Variants in MEI4 observed in about 807,000 individuals in gnomAD.
MEI4 encodes the protein meiosis-specific protein MEI4.
A neutral mutation model predicts 31.4 loss-of-function variants in MEI4; 27 were observed. The ratio of observed to expected loss-of-function variants is 0.86; its 90% confidence interval spans 0.63 to 1.19. The LOEUF is 1.19. MEI4 is among the 50% of genes most tolerant of loss of function. The pLI is 0.00. For missense variants in MEI4, 329 were observed against 398.9 expected (o/e 0.82, Z 1.49); for synonymous variants, 122 against 145.4 (o/e 0.84, Z 1.16).
At chr6:77,869,904 C>T (rs1290992879) in intron 4 of MEI4, among the ~76,000 whole-genome samples, 2 of 152,086 alleles carry the variant, frequency 1.3e-5, no homozygotes, top group South Asian at 2.1e-4. Flanking sequence ...GTACTCAATA[C>T]TTACCTGTTT....
intron 4 of MEI4, among the ~76,000 whole-genome samples, chr6:77,907,895 G>A (rs1342769200): frequency 1.3e-5 from 2 of 151,962 alleles, no homozygotes; most frequent in African/African-American, 4.8e-5. Flanking sequence ...TTCTCTGATG[G>A]CCAGTGATGA....
At chr6:77,771,179 T>C (rs1306153060) in intron 3 of MEI4, among the ~76,000 whole-genome samples, 1 of 151,976 alleles carries the variant, frequency 6.6e-6, no homozygotes, top group Admixed American at 6.6e-5. Flanking sequence ...AACAAGCATA[T>C]GAAAAAAATG....
intron 1 of MEI4, among the ~76,000 whole-genome samples, chr6:77,657,470 T>C (rs1214674616): frequency 9.0e-6 from 1 of 110,802 alleles, no homozygotes; most frequent in Admixed American, 9.6e-5. Flanking sequence ...AAACATCTTT[T>C]AGAGCTTCCT....
At chr6:77,831,270 G>A (rs895637763) in intron 4 of MEI4, among the ~76,000 whole-genome samples, 1 of 151,782 alleles carries the variant, frequency 6.6e-6, no homozygotes, top group Non-Finnish European at 1.5e-5. Context: ...GTGAGGATTT[G>A]GAGAAAGGCA....
At chr6:77,898,827 C>T (rs1766134424) in intron 4 of MEI4, among the ~76,000 whole-genome samples, 2 of 152,062 alleles carry the variant, frequency 1.3e-5, no homozygotes, top group Middle Eastern at 3.4e-3. Context: ...ATCTCTCTGT[C>T]TTTTCTGTAT....
At chr6:77,868,124 C>T (rs377501653) in intron 4 of MEI4, among the ~76,000 whole-genome samples, 7 of 151,228 alleles carry the variant, frequency 4.6e-5, no homozygotes, top group Admixed American at 1.3e-4. Flanking sequence ...TTTTAAATGA[C>T]GAATTAATGG....
rs1373215525 is a variant in MEI4, at chr6:77,761,178, G to A, written c.281G>A (p.Ser94Asn). The change falls in exon 3 of 5, where the codon AGT becomes AAT. Residue 94 changes from serine to asparagine, a missense_variant. Ser to Asn is a conservative substitution (Grantham distance 46). Coordinates refer to ENST00000684080, the MANE Select transcript of MEI4 (RefSeq NM_001322247.2). ...GCTCAGGAACCTAAGAGTTCTGAAA[G>A]TACATTAACTTCGATGGAAGATTCT... Reference protein sequence around the residue: ...LEAQEPKSSESTLTSMEDSGC... With the variant: ...LEAQEPKSSENTLTSMEDSGC... 4.9e-6 allele frequency: 6 copies of A among 1,232,020 alleles called. No individual in the cohort carries two copies. The highest frequency in any genetic ancestry group is 4.2e-5 in the Admixed American group (1 of 23,678). 76.3% of individuals were successfully genotyped at this position (1,232,020 alleles called of 1,614,324 possible).
At chr6:77,735,912 C>A (rs1228149680) in intron 2 of MEI4, among the ~76,000 whole-genome samples, 2 of 151,662 alleles carry the variant, frequency 1.3e-5, no homozygotes, top group Non-Finnish European at 2.9e-5. Flanking sequence ...GTCAGTCTGC[C>A]CCTGCTGGGG....
At chr6:77,887,332 C>A (rs1030236852) in intron 4 of MEI4, among the ~76,000 whole-genome samples, 4 of 151,648 alleles carry the variant, frequency 2.6e-5, no homozygotes, top group African/African-American at 9.7e-5. Context: ...ACTTTTGTCG[C>A]CCAGGTTGGA....
intron 2 of MEI4, among the ~76,000 whole-genome samples, chr6:77,753,754 T>C (rs1235088795): frequency 6.6e-6 from 1 of 152,200 alleles, no homozygotes; most frequent in Non-Finnish European, 1.5e-5. Context: ...TTACTGAGTA[T>C]ATACCCAAAG....
chr6:77,914,921 C>G (rs1228576663), intron 4 of MEI4, among the ~76,000 whole-genome samples: 1 of 151,876 alleles, frequency 6.6e-6, no homozygotes, highest in African/African-American at 2.4e-5. Context: ...TTTTCTATAC[C>G]TTTATTTTCA....
intron 3 of MEI4, among the ~76,000 whole-genome samples, chr6:77,785,245 A>G (rs1415480068): frequency 6.6e-6 from 1 of 152,142 alleles, no homozygotes. Context: ...TTATGCAAAT[A>G]CTATTATTTT....
intron 2 of MEI4, among the ~76,000 whole-genome samples, chr6:77,735,126 C>G (rs1343743195): frequency 6.6e-6 from 1 of 151,842 alleles, no homozygotes; most frequent in Non-Finnish European, 1.5e-5. Flanking sequence ...AGTTGCTCTT[C>G]TCGAGGAGTA....
intron 4 of MEI4, among the ~76,000 whole-genome samples, chr6:77,889,324 A>G (rs1288553183): frequency 6.6e-6 from 1 of 152,176 alleles, no homozygotes; most frequent in Non-Finnish European, 1.5e-5. Context: ...TGATATAGAC[A>G]TGAAGTCCAG....
intron 4 of MEI4, among the ~76,000 whole-genome samples, chr6:77,886,229 G>T (rs1771614355): frequency 1.3e-5 from 2 of 152,216 alleles, no homozygotes; most frequent in East Asian, 3.9e-4. Context: ...TAGTTGAGAA[G>T]AATTCATGTT....
rs540494946 is a variant in MEI4, at chr6:77,844,626, T to G, written c.900+15564T>G. Among the ~76,000 whole-genome samples, 11 of 152,262 alleles carry G rather than the reference T, an allele frequency of 7.2e-5. No homozygotes were observed. In the South Asian group the frequency reaches 2.1e-3, roughly 29 times the overall value. On this transcript the variant is annotated intron_variant, in intron 4 of 4. Transcript: ENST00000684080. ...AATGAATATTCAGAAATTGGTAATT[T>G]TATAAGTGTTTTTAATTCTAAAATT... is the stretch of plus-strand genomic sequence containing the variant.
chr6:77,918,985 T>C lies in MEI4; in HGVS notation c.901-4104T>C, dbSNP rs562183019. ...TGAGAGTTTTTAGCATGAAGGGTTG[T>C]TGAATTATAAAGCAAGTCCTGAGTG... On this transcript the variant is annotated intron_variant, in intron 4 of 4. Transcript: ENST00000684080. Among the ~76,000 whole-genome samples, 25 of 152,092 alleles carry C rather than the reference T, an allele frequency of 1.6e-4. No individual in the cohort carries two copies. In the South Asian group the frequency reaches 5.2e-3, roughly 32 times the overall value.
intron 4 of MEI4, among the ~76,000 whole-genome samples, chr6:77,922,628 A>G (rs1766730614): frequency 6.6e-6 from 1 of 151,648 alleles, no homozygotes; most frequent in Admixed American, 6.6e-5. Context: ...CCCCTCCCTG[A>G]GTTGAGTTGT....
At chr6:77,692,598 A>G (rs1769178127) in intron 2 of MEI4, among the ~76,000 whole-genome samples, 1 of 152,120 alleles carries the variant, frequency 6.6e-6, no homozygotes, top group Non-Finnish European at 1.5e-5. Flanking sequence ...ACAGACATGT[A>G]GGAATAAATT....
Sources: gnomAD v4.1 joint callset for allele counts (sites outside exome capture counted in the v4.1 genomes callset) on GRCh38, gnomAD v4.1.1 for gene constraint, MANE v1.5 for transcripts, NCBI Gene and HGNC (gene_info 2026-07-23, HGNC 2026-07-21) for gene names.